The following TRPM7 variants were observed in gnomAD, a reference collection of about 807,000 sequenced individuals.
TRPM7 encodes transient receptor potential cation channel subfamily M member 7, also known as LTRPC ion channel family member 7.
Under a neutral mutation model 229.7 loss-of-function variants are expected in TRPM7, and 134 were observed. The ratio of observed to expected loss-of-function variants is 0.58; its 90% CI spans 0.51 to 0.67. The LOEUF is 0.67. TRPM7 is among the 30% of genes least tolerant of loss of function. TRPM7 has a pLI of 0.00. For missense variants in TRPM7, 1,901 were observed against 2,210.0 expected, an observed-to-expected ratio of 0.86 and a Z score of 2.80; for synonymous variants, 699 against 715.2, an observed-to-expected ratio of 0.98 and a Z score of 0.36.
intron 1 of TRPM7, among the ~76,000 whole-genome samples, chr15:50,680,824 A>G (rs902496720): frequency 1.5e-4 from 23 of 152,204 alleles, no homozygotes; most frequent in Admixed American, 1.2e-3. Flanking sequence ...AAGTTTCTGT[A>G]GTTTGGCAGG....
chr15:50,576,056 A>G, intron 31 of TRPM7, 137 bp from the exon 32 acceptor site: 1 of 815,458 alleles, frequency 1.2e-6, no homozygotes. Flanking sequence ...AATTAGGGAT[A>G]AAATATGTCC....
At position 50,570,025 on chromosome 15, in the gene TRPM7, A is replaced by C. The variant is rs373487160; in HGVS notation, c.5361-32T>G. 2,462 of 1,563,186 alleles carry C rather than the reference A, an allele frequency of 1.6e-3. 3 individuals carry two copies. The highest frequency in any genetic ancestry group is 2.0e-3 in the Non-Finnish European group (2,280 of 1,146,292). On this transcript the variant is annotated intron_variant, in intron 37 of 38. Transcript: ENST00000646667. ...AATTGGTAATTTTAAAAAAAACAAC[A>C]AAAAAAAGGGGGCAGTTTATACAGG...
At chr15:50,673,066 AT>A in intron 1 of TRPM7, among the ~76,000 whole-genome samples, 1 of 151,276 alleles carries the variant, frequency 6.6e-6, no homozygotes, top group East Asian at 1.9e-4. Context: ...GCTAGCGTTA[AT>A]TTATTATTGA....
chr15:50,648,912 ACCCTTC>A, intron 3 of TRPM7, 27 bp from the exon 4 acceptor site: 2 of 1,529,856 alleles, frequency 1.3e-6, no homozygotes, highest in Admixed American at 2.0e-5. Flanking sequence ...AGATTAAAAC[ACCCTTC>A]AAAAAATTAG....
At chr15:50,592,941 A>G (rs1302903133) in intron 25 of TRPM7, among the ~76,000 whole-genome samples, 1 of 152,208 alleles carries the variant, frequency 6.6e-6, no homozygotes, top group Non-Finnish European at 1.5e-5. Context: ...CATTACTGTT[A>G]CTGTAACTGT....
At chr15:50,566,612 T>C (rs1257081575) in intron 38 of TRPM7, among the ~76,000 whole-genome samples, 1 of 152,006 alleles carries the variant, frequency 6.6e-6, no homozygotes, top group Non-Finnish European at 1.5e-5. Context: ...AGGAGAATCG[T>C]TTGAACCTGG....
intron 5 of TRPM7, among the ~76,000 whole-genome samples, chr15:50,641,199 G>C (rs1475326436): frequency 1.3e-5 from 2 of 152,056 alleles, no homozygotes; most frequent in Non-Finnish European, 2.9e-5. Flanking sequence ...TTCTCATTCA[G>C]AGCAGAAGCC....
intron 6 of TRPM7, 83 bp from the exon 7 acceptor site, chr15:50,637,676 A>G: frequency 8.2e-7 from 1 of 1,216,630 alleles, no homozygotes; most frequent in Non-Finnish European, 1.1e-6. Context: ...ATCCGTAAAG[A>G]CAAGTAAGAA....
At chr15:50,618,875 T>C (rs1031020605) in intron 13 of TRPM7, among the ~76,000 whole-genome samples, 2 of 152,194 alleles carry the variant, frequency 1.3e-5, no homozygotes, top group Admixed American at 6.5e-5. Flanking sequence ...AACGTGGTAT[T>C]TGACTAAGTT....
intron 3 of TRPM7, among the ~76,000 whole-genome samples, chr15:50,653,239 C>T (rs1366404911): frequency 3.3e-5 from 5 of 152,118 alleles, no homozygotes; most frequent in Admixed American, 3.3e-4. Flanking sequence ...TAGCTTGAGC[C>T]GAGGACTTCA....
chr15:50,645,850 C>T (rs919853248), intron 4 of TRPM7, among the ~76,000 whole-genome samples: 4 of 152,054 alleles, frequency 2.6e-5, no homozygotes, highest in Non-Finnish European at 5.9e-5. Context: ...AACAATAACA[C>T]CTGCTTGAAT....
chr15:50,641,316 C>T (rs1386109173), intron 5 of TRPM7, among the ~76,000 whole-genome samples: 13 of 152,198 alleles, frequency 8.5e-5, no homozygotes, highest in Non-Finnish European at 1.5e-5. Flanking sequence ...GACTTCATCA[C>T]CTAGCACTCT....
intron 1 of TRPM7, among the ~76,000 whole-genome samples, chr15:50,671,360 C>G (rs931039244): frequency 2.6e-5 from 4 of 152,122 alleles, no homozygotes; most frequent in African/African-American, 9.7e-5. Context: ...GTCCTCCAGG[C>G]CCATCCAGGT....
At chr15:50,578,725 T>C in intron 30 of TRPM7, 61 bp from the exon 31 acceptor site, 1 of 1,309,458 alleles carries the variant, frequency 7.6e-7, no homozygotes, top group Non-Finnish European at 1.0e-6. Flanking sequence ...TGGCTATCAT[T>C]TAATTTTTTG....
intron 21 of TRPM7, 200 bp downstream of exon 21, chr15:50,604,666 C>A (rs2059876039): frequency 4.5e-6 from 2 of 446,746 alleles, no homozygotes; most frequent in Admixed American, 3.9e-5. Context: ...CTAACATTAT[C>A]TTGCAAAGCA....
chr15:50,658,687 A>C (rs960414554), intron 2 of TRPM7, among the ~76,000 whole-genome samples: 3 of 152,236 alleles, frequency 2.0e-5, no homozygotes, highest in Non-Finnish European at 4.4e-5. Context: ...TACCCATCAA[A>C]ATAAAAAACG....
intron 13 of TRPM7, among the ~76,000 whole-genome samples, chr15:50,618,977 A>AT (rs964234212): frequency 1.6e-4 from 24 of 151,740 alleles, no homozygotes; most frequent in African/African-American, 3.4e-4. Context: ...GAAATACTAG[A>AT]TTTTTTTTTA....
intron 6 of TRPM7, among the ~76,000 whole-genome samples, chr15:50,638,034 T>C (rs1342852518): frequency 6.6e-6 from 1 of 151,390 alleles, no homozygotes; most frequent in Admixed American, 6.6e-5. Context: ...CTGGCCAACA[T>C]GGTGAAACCC....
In TRPM7 at chr15:50,607,320, A is replaced by G. The variant is rs1483765767; in HGVS notation, c.2589T>C (p.Tyr863=). 5 of 1,572,850 alleles carry G rather than the reference A, an allele frequency of 3.2e-6. No homozygotes were observed. Among genetic ancestry groups the G allele is most frequent in the Non-Finnish European group, 4.3e-6 (5 of 1,163,194 alleles). The change falls in exon 20 of 39, where the codon TAT becomes TAC. Residue 863 remains tyrosine, a synonymous_variant. Coordinates refer to ENST00000646667, the MANE Select transcript of TRPM7 (RefSeq NM_017672.6). ...ATGTATAAAGCATCAGAAATCCTAA[A>G]TATGCCAACTAATGAAAAAGTAAAG... ...IVKFWFNTLA[Y]LGFLMLYTFV... is the part of the protein sequence containing the mutation.
Sources: allele counts gnomAD v4.1 joint callset (sites outside exome capture counted in the v4.1 genomes callset), GRCh38; gene constraint gnomAD v4.1.1; transcripts MANE v1.5; gene names NCBI Gene and HGNC (gene_info 2026-07-23, HGNC 2026-07-21).